PTPRT: variants seen among roughly 807,000 people sequenced by gnomAD.
PTPRT encodes protein tyrosine phosphatase receptor type T, also known as receptor-type tyrosine-protein phosphatase T.
A neutral mutation model predicts 176.8 loss-of-function variants in PTPRT; 56 were observed. The ratio of observed to expected loss-of-function variants is 0.32; its 90% CI spans 0.26 to 0.40. The LOEUF is 0.40. Among genes scored for constraint, PTPRT ranks in the 10% least tolerant of loss-of-function variants. The pLI is 1.00. For synonymous variants in PTPRT, 783 were observed against 739.0 expected (o/e 1.06, Z -0.96); for missense variants, 1,540 against 1,908.2 (o/e 0.81, Z 3.60).
At chr20:42,507,479 T>C (rs138019659) in intron 7 of PTPRT, among the ~76,000 whole-genome samples, 12 of 152,038 alleles carry the variant, frequency 7.9e-5, no homozygotes, top group African/African-American at 9.6e-5. Context: ...ACCAAAAACA[T>C]TGGAGATACA....
At chr20:42,138,777 T>C (rs1326945995) in intron 18 of PTPRT, among the ~76,000 whole-genome samples, 1 of 152,200 alleles carries the variant, frequency 6.6e-6, no homozygotes, top group Non-Finnish European at 1.5e-5. Flanking sequence ...CCCCACTGTC[T>C]CTATTACTAA....
At chr20:43,044,772 C>T (rs181662015) in intron 1 of PTPRT, among the ~76,000 whole-genome samples, 237 of 152,278 alleles carry the variant, frequency 1.6e-3, no homozygotes, top group African/African-American at 5.5e-3. Context: ...GTGTAGTGCA[C>T]GGTGCAGACA....
the PTPRT span, among the ~76,000 whole-genome samples, chr20:42,056,949 C>A: frequency 3.3e-5 from 5 of 152,214 alleles, no homozygotes; most frequent in African/African-American, 9.6e-5. Flanking sequence ...GAGATCCCAG[C>A]GCAATCATCC....
At chr20:43,063,906 A>G (rs1987571359) in intron 1 of PTPRT, among the ~76,000 whole-genome samples, 2 of 152,158 alleles carry the variant, frequency 1.3e-5, no homozygotes, top group Non-Finnish European at 2.9e-5. Context: ...CTCAGAGAGT[A>G]AAAACTAGCT....
chr20:42,808,936 G>C (rs945438823), intron 2 of PTPRT, among the ~76,000 whole-genome samples: 2 of 152,178 alleles, frequency 1.3e-5, no homozygotes, highest in African/African-American at 4.8e-5. Flanking sequence ...GAGGCTCACT[G>C]TTCTCTGGTT....
At chr20:42,848,916 A>T (rs895826833) in intron 2 of PTPRT, among the ~76,000 whole-genome samples, 1 of 152,004 alleles carries the variant, frequency 6.6e-6, no homozygotes, top group Non-Finnish European at 1.5e-5. Context: ...GTTTTTTCCG[A>T]TGTTATCTTC....
At chr20:42,453,745 A>G (rs1341130857) in intron 8 of PTPRT, among the ~76,000 whole-genome samples, 1 of 150,070 alleles carries the variant, frequency 6.7e-6, no homozygotes, top group Non-Finnish European at 1.5e-5. Context: ...ATCTTGGCTC[A>G]ATGCAACCTC....
chr20:42,334,829 T>A (rs2058017936), intron 11 of PTPRT, among the ~76,000 whole-genome samples: 1 of 152,234 alleles, frequency 6.6e-6, no homozygotes, highest in African/African-American at 2.4e-5. Context: ...CCATCATTTG[T>A]TATTTGAGAA....
chr20:42,624,487 A>T (rs909864), intron 7 of PTPRT, among the ~76,000 whole-genome samples: 31,961 of 152,100 alleles, frequency 0.21, 4,576 homozygotes, highest in African/African-American at 0.41. Context: ...ATTGAAAAAA[A>T]TTAACGATTT....
At chr20:42,109,957 G>GTCTC (rs921503628) in intron 23 of PTPRT, among the ~76,000 whole-genome samples, 2 of 152,140 alleles carry the variant, frequency 1.3e-5, no homozygotes, top group Non-Finnish European at 2.9e-5. Context: ...AGGAAGAGGA[G>GTCTC]TCTCTAAGAG....
At chr20:42,888,069 G>C (rs1188971135) in intron 1 of PTPRT, among the ~76,000 whole-genome samples, 1 of 152,066 alleles carries the variant, frequency 6.6e-6, no homozygotes, top group Non-Finnish European at 1.5e-5. Context: ...CCAGAACTAT[G>C]AGCAATAACT....
chr20:43,009,653 G>A (rs778166731), intron 1 of PTPRT, among the ~76,000 whole-genome samples: 3 of 152,198 alleles, frequency 2.0e-5, no homozygotes, highest in African/African-American at 4.8e-5. Context: ...GGGCCATCCC[G>A]TGACGCGTAG....
chr20:42,806,126 T>A (rs577386649), intron 2 of PTPRT, among the ~76,000 whole-genome samples: 198 of 151,674 alleles, frequency 1.3e-3, no homozygotes, highest in Middle Eastern at 0.01. Flanking sequence ...CTAAAGTGCA[T>A]CCCTGGGCAA....
chr20:42,551,317 C>A (rs912754927), intron 7 of PTPRT, among the ~76,000 whole-genome samples: 7 of 152,096 alleles, frequency 4.6e-5, no homozygotes, highest in Admixed American at 3.3e-4. Context: ...TGGGCTCATT[C>A]TTTTAGAAAT....
At chr20:42,437,562 T>C (rs1394214555) in intron 9 of PTPRT, among the ~76,000 whole-genome samples, 2 of 152,196 alleles carry the variant, frequency 1.3e-5, no homozygotes, top group African/African-American at 2.4e-5. Flanking sequence ...TATGTATGTA[T>C]GTATGTACGT....
At chr20:42,907,756 A>G (rs2079496690) in intron 1 of PTPRT, among the ~76,000 whole-genome samples, 1 of 152,100 alleles carries the variant, frequency 6.6e-6, no homozygotes, top group South Asian at 2.1e-4. Context: ...TTTCCCATCT[A>G]ATTCAGATCT....
At chr20:42,750,251 T>C (rs889637522) in intron 6 of PTPRT, among the ~76,000 whole-genome samples, 1 of 152,090 alleles carries the variant, frequency 6.6e-6, no homozygotes, top group African/African-American at 2.4e-5. Context: ...ATGTAAAAAA[T>C]ATGATTACTA....
intron 1 of PTPRT, among the ~76,000 whole-genome samples, chr20:42,903,340 C>T (rs2079430792): frequency 6.6e-6 from 1 of 152,210 alleles, no homozygotes; most frequent in Admixed American, 6.5e-5. Flanking sequence ...CAAAAGCCAT[C>T]ATCTTTCTGC....
At chr20:42,736,293 C>T (rs1162661666) in intron 6 of PTPRT, among the ~76,000 whole-genome samples, 1 of 152,168 alleles carries the variant, frequency 6.6e-6, no homozygotes, top group African/African-American at 2.4e-5. Context: ...TGTGCAAAGG[C>T]TCTGAGGCTA....
Sources: gnomAD v4.1 joint callset for allele counts (sites outside exome capture counted in the v4.1 genomes callset) on GRCh38, gnomAD v4.1.1 for gene constraint, MANE v1.5 for transcripts, NCBI Gene and HGNC (gene_info 2026-07-23, HGNC 2026-07-21) for gene names.